Variants in DCC observed in about 807,000 individuals in gnomAD.
DCC encodes the protein DCC netrin 1 receptor.
In DCC, 58 loss-of-function variants were observed where a neutral mutation model predicts 172.5. The ratio of observed to expected loss-of-function variants is 0.34; its 90% CI spans 0.27 to 0.42. DCC has a LOEUF of 0.42. DCC is among the 10% of genes least tolerant of loss of function. The probability of loss-of-function intolerance (pLI) is 1.00; values close to 1 mark genes in which losing one functional copy is unlikely to be tolerated. For missense variants in DCC, 1,740 were observed against 1,791.0 expected, an observed-to-expected ratio of 0.97 and a Z score of 0.51; for synonymous variants, 709 against 644.5, an observed-to-expected ratio of 1.10 and a Z score of -1.52.
intron 7 of DCC, among the ~76,000 whole-genome samples, chr18:53,121,955 T>A (rs569265820): frequency 1.3e-5 from 2 of 152,110 alleles, no homozygotes; most frequent in South Asian, 4.1e-4. Flanking sequence ...ATAAATACCC[T>A]GAGGCTCTAT....
rs566168716 is a variant in DCC, at chr18:53,299,137, A to G, written c.1912-6441A>G. On this transcript the variant is annotated intron_variant, in intron 12 of 28. Transcript: ENST00000442544. ...AGAATATGTCCACACATGTGCACCT[A>G]CATGTATGAATGGTGGGGAAGAAGG... Among the ~76,000 whole-genome samples, 5 of 152,292 alleles carry G rather than the reference A, an allele frequency of 3.3e-5. No homozygotes were observed. The East Asian group carries it at 7.7e-4, about 24-fold the overall frequency.
chr18:53,379,193 C>T (rs927345039), intron 15 of DCC, among the ~76,000 whole-genome samples: 6 of 152,354 alleles, frequency 3.9e-5, no homozygotes, highest in African/African-American at 7.2e-5. Flanking sequence ...CAGGTATCTG[C>T]GTTAGCAAAG....
At chr18:52,997,162 G>T (rs1289785776) in intron 5 of DCC, among the ~76,000 whole-genome samples, 1 of 152,066 alleles carries the variant, frequency 6.6e-6, no homozygotes, top group African/African-American at 2.4e-5. Context: ...GAAGGTACAG[G>T]CCACATCTGC....
chr18:53,531,879 A>T lies in DCC; in HGVS notation c.*1226A>T, dbSNP rs766869687. 2 of 152,242 alleles carry T rather than the reference A, an allele frequency of 1.3e-5. No homozygotes were observed. The highest frequency in any genetic ancestry group is 2.9e-5 in the Non-Finnish European group (2 of 68,070). The allele number at this position is 152,242 out of a possible 1,614,324, so 9.4% of individuals were successfully genotyped here. A position where few individuals can be genotyped will look rare whatever the true frequency, so the allele number is the denominator to read the frequency against. On this transcript the variant is annotated 3_prime_UTR_variant, in exon 29 of 29. Transcript: ENST00000442544. ...GGGCAGGTGCCACCTGACACTTCCG[A>T]CATGTAAATCCAGCAGATACTTTTC... is the stretch of plus-strand genomic sequence containing the variant.
At chr18:52,873,445 T>C (rs778763898) in intron 2 of DCC, among the ~76,000 whole-genome samples, 26 of 152,230 alleles carry the variant, frequency 1.7e-4, no homozygotes, top group Non-Finnish European at 3.4e-4. Context: ...TGGACTGTTA[T>C]TGGCTATTCC....
chr18:53,364,835 TACATGTGC>T (rs1209008412), intron 15 of DCC, among the ~76,000 whole-genome samples: 1 of 152,254 alleles, frequency 6.6e-6, no homozygotes, highest in African/African-American at 2.4e-5. Context: ...CCCACAAATG[TACATGTGC>T]ACATGTGCAC....
At chr18:53,281,959 A>G (rs1230834283) in intron 12 of DCC, among the ~76,000 whole-genome samples, 3 of 152,134 alleles carry the variant, frequency 2.0e-5, no homozygotes, top group Admixed American at 1.3e-4. Flanking sequence ...GGCTTAAGAA[A>G]AATAACTTCA....
intron 1 of DCC, among the ~76,000 whole-genome samples, chr18:52,505,455 C>T (rs2031195228): frequency 6.6e-6 from 1 of 152,138 alleles, no homozygotes; most frequent in African/African-American, 2.4e-5. Flanking sequence ...TCTTCTCTAA[C>T]ACATTTAATT....
intron 19 of DCC, among the ~76,000 whole-genome samples, chr18:53,404,606 C>T (rs1161152836): frequency 6.6e-6 from 1 of 152,034 alleles, no homozygotes; most frequent in Non-Finnish European, 1.5e-5. Context: ...TGGTGGGCAC[C>T]TGTAGTCCCA....
At chr18:52,507,723 A>G (rs992111266) in intron 1 of DCC, among the ~76,000 whole-genome samples, 1 of 152,190 alleles carries the variant, frequency 6.6e-6, no homozygotes, top group Non-Finnish European at 1.5e-5. Context: ...TACCATTTCT[A>G]GAGTGATTGA....
At chr18:53,475,867 A>G (rs1328060792) in intron 25 of DCC, among the ~76,000 whole-genome samples, 2 of 152,132 alleles carry the variant, frequency 1.3e-5, no homozygotes, top group African/African-American at 2.4e-5. Flanking sequence ...CAGACACTCA[A>G]TGCCAGCTCA....
chr18:53,464,689 A>G (rs921004638), intron 24 of DCC, among the ~76,000 whole-genome samples: 1 of 151,962 alleles, frequency 6.6e-6, no homozygotes, highest in African/African-American at 2.4e-5. Flanking sequence ...TTATTTGAAA[A>G]CTATGTTACC....
At chr18:53,441,855 T>A (rs1395247384) in intron 22 of DCC, among the ~76,000 whole-genome samples, 1 of 152,190 alleles carries the variant, frequency 6.6e-6, no homozygotes. Context: ...AGAGGGTCTG[T>A]GATTGCATTT....
intron 1 of DCC, among the ~76,000 whole-genome samples, chr18:52,536,135 C>T (rs555204526): frequency 6.6e-6 from 1 of 151,920 alleles, no homozygotes; most frequent in Non-Finnish European, 1.5e-5. Flanking sequence ...AGGAAGGGAA[C>T]GGGGCTACTT....
intron 12 of DCC, among the ~76,000 whole-genome samples, chr18:53,259,402 C>T (rs1203700445): frequency 6.6e-6 from 1 of 152,260 alleles, no homozygotes; most frequent in Non-Finnish European, 1.5e-5. Flanking sequence ...TTAGGGCAGG[C>T]CTGGTAGTGA....
intron 1 of DCC, among the ~76,000 whole-genome samples, chr18:52,420,863 A>G (rs73955624): frequency 0.018 from 2,742 of 152,154 alleles, 33 homozygotes; most frequent in South Asian, 0.032. Context: ...GGTTTAGAGG[A>G]GAGTGTTAGC....
chr18:53,356,625 A>C (rs921928151), intron 15 of DCC, among the ~76,000 whole-genome samples: 2 of 152,180 alleles, frequency 1.3e-5, no homozygotes, highest in African/African-American at 4.8e-5. Flanking sequence ...ACTCAGCACC[A>C]AAGATGTTTA....
chr18:52,549,589 G>A (rs2095726186), intron 1 of DCC, among the ~76,000 whole-genome samples: 1 of 152,022 alleles, frequency 6.6e-6, no homozygotes, highest in Non-Finnish European at 1.5e-5. Context: ...CACTACTAGA[G>A]TGAATAATAG....
intron 1 of DCC, among the ~76,000 whole-genome samples, chr18:52,649,031 C>A (rs75263979): frequency 0.13 from 20,465 of 152,170 alleles, 1,527 homozygotes; most frequent in Admixed American, 0.21. Flanking sequence ...CCATGTACTT[C>A]TAGTGCATTA....
Sources: allele counts gnomAD v4.1 joint callset (sites outside exome capture counted in the v4.1 genomes callset), GRCh38; gene constraint gnomAD v4.1.1; transcripts MANE v1.5; gene names NCBI Gene and HGNC (gene_info 2026-07-23, HGNC 2026-07-21).